PABPC4L: variants seen among roughly 807,000 people sequenced by gnomAD.
PABPC4L encodes the protein poly(A) binding protein cytoplasmic 4 like, also known as polyadenylate-binding protein 4-like.
For synonymous variants in PABPC4L, 169 were observed against 164.1 expected, an observed-to-expected ratio of 1.03 and a Z score of -0.23; for missense variants, 452 against 451.4, an observed-to-expected ratio of 1.00 and a Z score of -0.01.
the PABPC4L span, among the ~76,000 whole-genome samples, chr4:133,992,052 GGT>G: frequency 1.3e-5 from 2 of 152,166 alleles, no homozygotes; most frequent in South Asian, 2.1e-4. Flanking sequence ...AGATGTCCCA[GGT>G]GCCGTAAAGT....
the PABPC4L span, among the ~76,000 whole-genome samples, chr4:134,110,083 T>C: frequency 6.6e-6 from 1 of 152,060 alleles, no homozygotes; most frequent in East Asian, 1.9e-4. Flanking sequence ...CTGAGGAAAA[T>C]ACTTGACAAA....
chr4:134,054,244 T>TTGTATA, the PABPC4L span, among the ~76,000 whole-genome samples: 2 of 92,876 alleles, frequency 2.2e-5, no homozygotes, highest in Non-Finnish European at 2.1e-5. Context: ...ACTACTTTAG[T>TTGTATA]TGTATATGTA....
At chr4:134,059,773 AAG>A in the PABPC4L span, among the ~76,000 whole-genome samples, 1 of 152,048 alleles carries the variant, frequency 6.6e-6, no homozygotes, top group Non-Finnish European at 1.5e-5. Context: ...AAAAAGAAAA[AAG>A]AGAGGCGAAG....
At chr4:134,147,779 A>G in the PABPC4L span, among the ~76,000 whole-genome samples, 1 of 141,406 alleles carries the variant, frequency 7.1e-6, no homozygotes, top group East Asian at 2.2e-4. Flanking sequence ...GTTTTTTCCT[A>G]GAAGAAGATG....
chr4:134,036,776 G>T, the PABPC4L span, among the ~76,000 whole-genome samples: 18 of 151,966 alleles, frequency 1.2e-4, no homozygotes, highest in Non-Finnish European at 1.8e-4. Context: ...GGTAATATAG[G>T]CCAATGCAGT....
In PABPC4L at chr4:134,197,949, C is replaced by T. The variant is rs1424660436; in HGVS notation, c.*1958G>A. 3 of 151,750 alleles carry T rather than the reference C, an allele frequency of 2.0e-5. No homozygotes were observed. Among genetic ancestry groups the T allele is most frequent in the African/African-American group, 7.2e-5 (3 of 41,498 alleles). The allele number at this position is 151,750 out of a possible 1,614,324, so 9.4% of individuals were successfully genotyped here. A position where few individuals can be genotyped will look rare whatever the true frequency, so the allele number is the denominator to read the frequency against. The stretch of plus-strand genomic sequence containing the variant: ...TTTAACCATTAATTCTACTTCTAAA[C>T]ATTTTCTTAAGAAAATAGATATATT... On this transcript the variant is annotated 3_prime_UTR_variant, in exon 2 of 2. Coordinates refer to ENST00000421491, the MANE Select transcript of PABPC4L (RefSeq NM_001114734.2).
chr4:133,972,048 T>C, the PABPC4L span, among the ~76,000 whole-genome samples: 3 of 152,196 alleles, frequency 2.0e-5, no homozygotes, highest in Admixed American at 6.5e-5. Flanking sequence ...AAATAAACCA[T>C]GCTTAACTTT....
chr4:134,123,139 C>T, the PABPC4L span, among the ~76,000 whole-genome samples: 1 of 151,918 alleles, frequency 6.6e-6, no homozygotes, highest in East Asian at 1.9e-4. Flanking sequence ...CTTTTAAAGG[C>T]ACCTTATTTA....
chr4:134,101,600 T>C, the PABPC4L span, among the ~76,000 whole-genome samples: 2 of 151,518 alleles, frequency 1.3e-5, no homozygotes, highest in Non-Finnish European at 3.0e-5. Context: ...ATAAATTGTT[T>C]ATTTCTATTT....
the PABPC4L span, among the ~76,000 whole-genome samples, chr4:134,024,169 C>T: frequency 6.6e-6 from 1 of 152,066 alleles, no homozygotes; most frequent in Non-Finnish European, 1.5e-5. Flanking sequence ...TTCAAACTCT[C>T]TCTTAGGTTT....
chr4:133,997,399 G>T, the PABPC4L span, among the ~76,000 whole-genome samples: 3 of 151,906 alleles, frequency 2.0e-5, no homozygotes, highest in Non-Finnish European at 4.4e-5. Context: ...TGGCTCTCAT[G>T]AAGATGTACA....
chr4:134,170,447 A>G, the PABPC4L span, among the ~76,000 whole-genome samples: 1 of 152,144 alleles, frequency 6.6e-6, no homozygotes, highest in East Asian at 1.9e-4. Flanking sequence ...TGCATAATTT[A>G]TAAAGAAAAT....
chr4:133,998,719 A>G, the PABPC4L span, among the ~76,000 whole-genome samples: 3 of 152,046 alleles, frequency 2.0e-5, no homozygotes, highest in South Asian at 4.1e-4. Context: ...CAATTGTTCA[A>G]AGAAGATGAT....
At chr4:134,121,753 G>A in the PABPC4L span, among the ~76,000 whole-genome samples, 3 of 151,542 alleles carry the variant, frequency 2.0e-5, no homozygotes, top group Admixed American at 1.3e-4. Context: ...GAGGACTAAC[G>A]CCATGCTGAA....
the PABPC4L span, among the ~76,000 whole-genome samples, chr4:134,136,498 T>TC: frequency 6.6e-6 from 1 of 152,068 alleles, no homozygotes; most frequent in Admixed American, 6.6e-5. Flanking sequence ...TTTTTTTCTT[T>TC]CTCCAATCTC....
At chr4:134,134,693 A>G in the PABPC4L span, among the ~76,000 whole-genome samples, 1 of 148,816 alleles carries the variant, frequency 6.7e-6, no homozygotes, top group Non-Finnish European at 1.5e-5. Context: ...TGTAATATAT[A>G]ATATATATTT....
At position 134,199,043 on chromosome 4, in the gene PABPC4L, A is replaced by T. The variant is rs569088812; in HGVS notation, c.*864T>A. 21 of 152,214 alleles carry T rather than the reference A, an allele frequency of 1.4e-4. 2 individuals carry two copies. Among genetic ancestry groups the T allele is most frequent in the Non-Finnish European group, 2.6e-4 (18 of 67,928 alleles). 9.4% of individuals were successfully genotyped at this position (152,214 alleles called of 1,614,324 possible). On this transcript the variant is annotated 3_prime_UTR_variant, in exon 2 of 2. Transcript: ENST00000421491. ...TTTAAACAGAATTTCTATAATCTGT[A>T]TGTATGATTTTCATAATATTAGCAT...
At chr4:134,031,077 C>G in the PABPC4L span, among the ~76,000 whole-genome samples, 1 of 151,948 alleles carries the variant, frequency 6.6e-6, no homozygotes, top group South Asian at 2.1e-4. Context: ...CATTCATGTG[C>G]AATGTTTTTT....
the PABPC4L span, among the ~76,000 whole-genome samples, chr4:134,072,268 T>G: frequency 1.5e-4 from 23 of 152,152 alleles, no homozygotes; most frequent in African/African-American, 5.3e-4. Flanking sequence ...TCTCTCAATT[T>G]ATGAATGAAT....
Sources: gnomAD v4.1 joint callset for allele counts (sites outside exome capture counted in the v4.1 genomes callset) on GRCh38, gnomAD v4.1.1 for gene constraint, MANE v1.5 for transcripts, NCBI Gene and HGNC (gene_info 2026-07-23, HGNC 2026-07-21) for gene names.